LRP1B: variants seen among roughly 807,000 people sequenced by gnomAD.
LRP1B encodes low-density lipoprotein receptor-related protein 1B.
A neutral mutation model predicts 556.6 loss-of-function variants in LRP1B; 217 were observed. That is an observed-to-expected ratio of 0.39 (90% CI 0.35 to 0.44). LRP1B has a LOEUF of 0.44. Ranked by LOEUF, LRP1B falls within the 20% of genes least tolerant of loss-of-function variation. The pLI is 1.00. For missense variants in LRP1B, 5,053 were observed against 5,620.8 expected (o/e 0.90, Z 3.23); for synonymous variants, 2,047 against 1,865.8 (o/e 1.10, Z -2.50).
intron 18 of LRP1B, among the ~76,000 whole-genome samples, chr2:140,961,428 A>C (rs1249043124): frequency 6.6e-6 from 1 of 152,026 alleles, no homozygotes; most frequent in Non-Finnish European, 1.5e-5. Flanking sequence ...TACCACAATG[A>C]AATAAAATCA....
chr2:140,327,240 C>G (rs1281139397), intron 79 of LRP1B, among the ~76,000 whole-genome samples: 1 of 152,014 alleles, frequency 6.6e-6, no homozygotes, highest in African/African-American at 2.4e-5. Context: ...GTAACTGGAC[C>G]AAGACTTAAT....
At chr2:141,334,922 G>T (rs1687790250) in intron 3 of LRP1B, among the ~76,000 whole-genome samples, 1 of 152,080 alleles carries the variant, frequency 6.6e-6, no homozygotes, top group African/African-American at 2.4e-5. Flanking sequence ...TGTTAAAGAG[G>T]TTGAATTTGA....
intron 11 of LRP1B, among the ~76,000 whole-genome samples, chr2:141,047,162 A>T (rs1435072739): frequency 6.6e-6 from 1 of 152,066 alleles, no homozygotes; most frequent in African/African-American, 2.4e-5. Flanking sequence ...TTCTTTGTCC[A>T]TCTAAAACTG....
chr2:140,521,329 C>G (rs913233507), intron 49 of LRP1B, among the ~76,000 whole-genome samples: 1 of 151,962 alleles, frequency 6.6e-6, no homozygotes, highest in African/African-American at 2.4e-5. Flanking sequence ...TAAAGTGAAA[C>G]CTAGCAGACT....
At chr2:140,459,395 T>A (rs2105326731) in intron 60 of LRP1B, among the ~76,000 whole-genome samples, 1 of 152,278 alleles carries the variant, frequency 6.6e-6, no homozygotes, top group African/African-American at 2.4e-5. Context: ...TCAAAATATT[T>A]AATGTGAATC....
At chr2:142,040,320 C>T (rs1704020341) in intron 1 of LRP1B, among the ~76,000 whole-genome samples, 1 of 151,254 alleles carries the variant, frequency 6.6e-6, no homozygotes, top group South Asian at 2.1e-4. Context: ...CATCTGTTTG[C>T]TATCATTTTT....
intron 3 of LRP1B, among the ~76,000 whole-genome samples, chr2:141,430,244 A>G (rs1680514509): frequency 6.6e-6 from 1 of 152,212 alleles, no homozygotes; most frequent in Admixed American, 6.5e-5. Context: ...GAGCTTGTTA[A>G]GCAAAGCATC....
chr2:140,291,320 T>TATGTATATATATATATATATA (rs745524571), intron 84 of LRP1B, among the ~76,000 whole-genome samples: 2 of 51,856 alleles, frequency 3.9e-5, no homozygotes, highest in African/African-American at 6.2e-5. Flanking sequence ...ATATATATAT[T>TATGTATATATATATATATATA]TTTATTATAC....
Position 140,247,179 on chromosome 2 carries a change from A to G in LRP1B, c.13248-17T>C. ...GTGGAGCATCTAAAAATATCCAAACAACAAACAAAACAGATCAGCGAATAA... is the reference window on the plus strand; with the variant it reads ...GTGGAGCATCTAAAAATATCCAAACGACAAACAAAACAGATCAGCGAATAA... On this transcript the variant is annotated splice_polypyrimidine_tract_variant and intron_variant, in intron 86 of 90. Transcript: ENST00000389484. 3 of 1,565,564 alleles carry G rather than the reference A, an allele frequency of 1.9e-6. No homozygotes were observed. Among genetic ancestry groups the G allele is most frequent in the Non-Finnish European group, 2.6e-6 (3 of 1,137,158 alleles).
chr2:140,459,618 A>G (rs16844024), intron 60 of LRP1B, among the ~76,000 whole-genome samples: 2,325 of 152,338 alleles, frequency 0.015, 61 homozygotes, highest in African/African-American at 0.051. Flanking sequence ...TTGGGTGCAC[A>G]AGAACTAGGC....
At chr2:141,487,255 T>C (rs988209602) in intron 2 of LRP1B, among the ~76,000 whole-genome samples, 2 of 152,154 alleles carry the variant, frequency 1.3e-5, no homozygotes, top group Non-Finnish European at 2.9e-5. Context: ...TAAGTATTTT[T>C]CTTCAAAATA....
intron 2 of LRP1B, among the ~76,000 whole-genome samples, chr2:141,496,308 T>A (rs1420833153): frequency 6.6e-6 from 1 of 151,960 alleles, no homozygotes; most frequent in Non-Finnish European, 1.5e-5. Flanking sequence ...AATGTACATC[T>A]GAATCACCTA....
intron 83 of LRP1B, among the ~76,000 whole-genome samples, chr2:140,306,332 C>G (rs1328690789): frequency 6.6e-6 from 1 of 151,928 alleles, no homozygotes; most frequent in Non-Finnish European, 1.5e-5. Flanking sequence ...AATTTCAGAG[C>G]CTGTTATTGG....
intron 32 of LRP1B, among the ~76,000 whole-genome samples, chr2:140,780,650 T>C (rs1005121201): frequency 6.6e-6 from 1 of 152,180 alleles, no homozygotes; most frequent in Non-Finnish European, 1.5e-5. Flanking sequence ...GGGTAGATGA[T>C]TCTCCAAGAT....
intron 7 of LRP1B, among the ~76,000 whole-genome samples, chr2:141,117,268 A>G (rs1209952301): frequency 1.3e-5 from 2 of 149,370 alleles, no homozygotes; most frequent in African/African-American, 2.5e-5. Flanking sequence ...AATTCAAAAG[A>G]ATCATTTTAA....
chr2:141,167,651 A>G (rs1680328327), intron 7 of LRP1B, among the ~76,000 whole-genome samples: 2 of 151,910 alleles, frequency 1.3e-5, no homozygotes, highest in South Asian at 4.1e-4. Context: ...TATACAATAT[A>G]ATCATCTAGG....
chr2:141,430,460 A>T (rs1023649682), intron 3 of LRP1B, among the ~76,000 whole-genome samples: 2 of 152,218 alleles, frequency 1.3e-5, no homozygotes, highest in African/African-American at 4.8e-5. Context: ...GTAATTAATT[A>T]TCAAAAGCTA....
rs1680430619 is a variant in LRP1B, at chr2:140,548,539, C to A, written c.7195-6568G>T. Reference sequence around the variant, plus strand: ...ACTCTAACATTAAAACATTTAGCAACTACTGAAATTGGCATAGTTTGGAGA... The same window carrying A: ...ACTCTAACATTAAAACATTTAGCAAATACTGAAATTGGCATAGTTTGGAGA... On this transcript the variant is annotated intron_variant, in intron 43 of 90. Coordinates refer to ENST00000389484, the MANE Select transcript of LRP1B (RefSeq NM_018557.3). 2.6e-5 allele frequency among the ~76,000 whole-genome samples: 4 copies of A among 152,096 alleles called. 1 individual carries two copies. The highest frequency in any genetic ancestry group is 2.0e-4 in the Admixed American group (3 of 15,242).
chr2:141,159,658 T>A (rs1313333163), intron 7 of LRP1B, among the ~76,000 whole-genome samples: 1 of 152,164 alleles, frequency 6.6e-6, no homozygotes, highest in African/African-American at 2.4e-5. Context: ...TTGGGGCTAT[T>A]AACATGCTTA....
Sources: allele counts gnomAD v4.1 joint callset (sites outside exome capture counted in the v4.1 genomes callset), GRCh38; gene constraint gnomAD v4.1.1; transcripts MANE v1.5; gene names NCBI Gene and HGNC (gene_info 2026-07-23, HGNC 2026-07-21).